The following AK3 variants were observed in gnomAD, a reference collection of about 807,000 sequenced individuals.
The protein encoded by AK3 is adenylate kinase 3.
A neutral mutation model predicts 23.7 loss-of-function variants in AK3; 27 were observed. The observed-to-expected ratio is 1.14, with a 90% CI of 0.84 to 1.57. The LOEUF (loss-of-function observed/expected upper bound fraction) is 1.57, where lower values mean the gene tolerates loss of function less well. AK3 is among the 40% of genes most tolerant of loss of function. The probability of loss-of-function intolerance (pLI) is 0.00; values close to 1 mark genes in which losing one functional copy is unlikely to be tolerated. For missense variants in AK3, 406 were observed against 285.6 expected (o/e 1.42, Z -3.04); for synonymous variants, 159 against 116.0 (o/e 1.37, Z -2.38).
upstream of AK3, chr9:4,741,926 C>G (rs973063101): frequency 6.6e-6 from 1 of 152,384 alleles, no homozygotes; most frequent in African/African-American, 2.4e-5. Context: ...CCCACTCCCT[C>G]TCTGTGTAGA....
intron 1 of AK3, among the ~76,000 whole-genome samples, chr9:4,739,940 A>G (rs991097130): frequency 1.3e-5 from 2 of 152,108 alleles, no homozygotes; most frequent in African/African-American, 2.4e-5. Context: ...ATCTGCGCTT[A>G]AAAAGTAAAC....
chr9:4,712,934 A>C lies in AK3; in HGVS notation c.*42T>G. On this transcript the variant is annotated 3_prime_UTR_variant, in exon 5 of 5. Coordinates refer to ENST00000381809, the MANE Select transcript of AK3 (RefSeq NM_016282.4). ...GCAGCTTCTAAATGCAAGGACTAGG[A>C]GGTTTGCCCATCTTACTATTAATAG... 1 of 1,597,208 alleles carries C rather than the reference A, an allele frequency of 6.3e-7. No homozygotes were observed. Among genetic ancestry groups the C allele is most frequent in the Non-Finnish European group, 8.5e-7 (1 of 1,171,178 alleles).
chr9:4,723,864 A>T (rs1254311318), intron 1 of AK3, among the ~76,000 whole-genome samples: 1 of 152,198 alleles, frequency 6.6e-6, no homozygotes, highest in Non-Finnish European at 1.5e-5. Flanking sequence ...CTTTGGGATT[A>T]TTTCCAATAA....
chr9:4,737,678 C>G (rs756208563), intron 1 of AK3, among the ~76,000 whole-genome samples: 3 of 152,152 alleles, frequency 2.0e-5, no homozygotes, highest in Non-Finnish European at 2.9e-5. Flanking sequence ...GAGATCGTGC[C>G]ACTGCACTCC....
chr9:4,718,638 C>A, intron 3 of AK3, 101 bp from the exon 4 acceptor site: 1 of 888,154 alleles, frequency 1.1e-6, no homozygotes, highest in South Asian at 1.6e-5. Flanking sequence ...TGTGCAAGTG[C>A]CAAGCACAAA....
intron 4 of AK3, among the ~76,000 whole-genome samples, chr9:4,717,769 G>C (rs1415209758): frequency 1.3e-5 from 2 of 152,176 alleles, no homozygotes; most frequent in Non-Finnish European, 2.9e-5. Flanking sequence ...CCCAACTGTA[G>C]GCTAATCTAA....
chr9:4,739,900 C>CAAAAAGAA (rs1187296076), intron 1 of AK3, among the ~76,000 whole-genome samples: 1 of 151,128 alleles, frequency 6.6e-6, no homozygotes, highest in Non-Finnish European at 1.5e-5. Flanking sequence ...ACAAACAAAC[C>CAAAAAGAA]AAAAAGAAAA....
intron 1 of AK3, among the ~76,000 whole-genome samples, chr9:4,726,212 T>C (rs1587648602): frequency 6.6e-6 from 1 of 152,020 alleles, no homozygotes. Flanking sequence ...AGGATGGAGG[T>C]TGCTAAATGA....
At chr9:4,726,723 T>A (rs1268949214) in intron 1 of AK3, among the ~76,000 whole-genome samples, 1 of 151,426 alleles carries the variant, frequency 6.6e-6, no homozygotes, top group Non-Finnish European at 1.5e-5. Flanking sequence ...ACCTTCTTCC[T>A]GAATCATGAG....
intron 2 of AK3, among the ~76,000 whole-genome samples, chr9:4,720,047 A>G (rs1841853956): frequency 6.6e-6 from 1 of 152,222 alleles, no homozygotes; most frequent in Non-Finnish European, 1.5e-5. Flanking sequence ...CCTGGGTGAC[A>G]GAGCAAGACT....
intron 1 of AK3, among the ~76,000 whole-genome samples, chr9:4,731,683 C>T (rs888634329): frequency 6.6e-6 from 1 of 152,076 alleles, no homozygotes; most frequent in Non-Finnish European, 1.5e-5. Context: ...TCTTAACCAG[C>T]ATGTTCTCTG....
rs375945545 is a variant in AK3, at chr9:4,727,650, T to C, written c.152-5025A>G. ...CTCCATATCAACAACAAGGTTGTTT[T>C]GCTTTCTTGTGCTCCAGTGTTTACT... is the stretch of plus-strand genomic sequence containing the variant. On this transcript the variant is annotated intron_variant, in intron 1 of 4. Coordinates refer to ENST00000381809, the MANE Select transcript of AK3 (RefSeq NM_016282.4). Among the ~76,000 whole-genome samples the C allele has an allele frequency of 7.4e-4, 113 of 152,330 alleles. 1 individual carries two copies. In the Middle Eastern group the frequency reaches 0.01, roughly 14 times the overall value.
chr9:4,741,023 G>C lies in AK3; in HGVS notation c.65C>G (p.Thr22Ser). Residue 22 changes from threonine (T) to serine (S), a missense_variant, in exon 1 of 5, where the codon ACC (threonine) becomes AGC (serine). Thr to Ser is a moderately conservative substitution (Grantham distance 58, BLOSUM62 1). Coordinates refer to ENST00000381809, the MANE Select transcript of AK3 (RefSeq NM_016282.4). ...IMGAPGSGKG[T>S]VSSRITTHFE... ...GTGTGTAGTGATGCGCGACGACACG[G>C]TGCCCTTGCCCGAGCCCGGGGCCCC... 1 of 1,588,882 alleles carries C rather than the reference G, an allele frequency of 6.3e-7. No homozygotes were observed. The highest frequency in any genetic ancestry group is 8.5e-7 in the Non-Finnish European group (1 of 1,169,760).
In AK3 at chr9:4,712,223, C is replaced by A. The variant is rs958926609; in HGVS notation, c.*753G>T. The A allele has an allele frequency of 6.6e-6, 1 of 152,138 alleles. No homozygotes were observed. Among genetic ancestry groups the A allele is most frequent in the Non-Finnish European group, 1.5e-5 (1 of 68,012 alleles). The allele number at this position is 152,138 out of a possible 1,614,324, so 9.4% of individuals were successfully genotyped here. A position where few individuals can be genotyped will look rare whatever the true frequency, so the allele number is the denominator to read the frequency against. ...CTTTAATTACATTTTGTTGAAAATT[C>A]ATTCAACTTTGGTGCTTGTAAAAGC... is the stretch of plus-strand genomic sequence containing the variant. On this transcript the variant is annotated 3_prime_UTR_variant, in exon 5 of 5. Coordinates refer to ENST00000381809, the MANE Select transcript of AK3 (RefSeq NM_016282.4).
rs1289858260 is a variant in AK3 at position 4,724,980 on chromosome 9, T to G, written c.152-2355A>C. On this transcript the variant is annotated intron_variant, in intron 1 of 4. Coordinates refer to ENST00000381809, the MANE Select transcript of AK3 (RefSeq NM_016282.4). ...ACCATGCATAAAAATTAACTCAATA[T>G]AGGTCATAAACCTAAATGTAAGTGC... Among the ~76,000 whole-genome samples the G allele has an allele frequency of 2.6e-5, 4 of 151,752 alleles. No homozygotes were observed. The East Asian group carries it at 7.7e-4, about 29-fold the overall frequency.
At chr9:4,735,390 A>AAT (rs1324305860) in intron 1 of AK3, among the ~76,000 whole-genome samples, 86 of 23,808 alleles carry the variant, frequency 3.6e-3, no homozygotes, top group East Asian at 8.2e-3. Flanking sequence ...TACATATATA[A>AAT]ATATATATAC....
At chr9:4,730,111 A>G (rs1176541278) in intron 1 of AK3, among the ~76,000 whole-genome samples, 2 of 152,210 alleles carry the variant, frequency 1.3e-5, no homozygotes, top group Non-Finnish European at 2.9e-5. Flanking sequence ...TTTGCATAAA[A>G]TGTTTAGAAT....
At chr9:4,722,432 G>T in intron 2 of AK3, 74 bp downstream of exon 2, 1 of 1,603,272 alleles carries the variant, frequency 6.2e-7, no homozygotes, top group South Asian at 1.1e-5. Flanking sequence ...TCTGTCTGAA[G>T]CCCATGAAAT....
intron 1 of AK3, among the ~76,000 whole-genome samples, chr9:4,740,074 AAAAG>A (rs1233132054): frequency 0.017 from 2,561 of 146,430 alleles, 87 homozygotes; most frequent in African/African-American, 0.056. Context: ...AAAAAAAAAA[AAAAG>A]AAGGAAAACA....
Sources: allele counts gnomAD v4.1 joint callset (sites outside exome capture counted in the v4.1 genomes callset), GRCh38; gene constraint gnomAD v4.1.1; transcripts MANE v1.5; gene names NCBI Gene and HGNC (gene_info 2026-07-23, HGNC 2026-07-21).